RIT1: variants seen among roughly 807,000 people sequenced by gnomAD.
The protein encoded by RIT1 is GTP-binding protein Rit1.
A neutral mutation model predicts 25.6 loss-of-function variants in RIT1; 6 were observed. That is an observed-to-expected ratio of 0.23 (90% CI 0.13 to 0.46). RIT1 has a LOEUF of 0.46. Among genes scored for constraint, RIT1 ranks in the 20% least tolerant of loss-of-function variants. RIT1 has a pLI of 0.99. For synonymous variants in RIT1, 81 were observed against 94.1 expected (o/e 0.86, Z 0.80); for missense variants, 219 against 284.4 (o/e 0.77, Z 1.65).
At position 155,904,379 on chromosome 1, in the gene RIT1, C is replaced by T; in HGVS notation, c.361G>A (p.Val121Ile). Residue 121 changes from valine to isoleucine, a missense_variant, in exon 5 of 6, where the codon GTC (valine) becomes ATC (isoleucine). By Grantham distance (29) the Val-to-Ile change is conservative. Transcript: ENST00000368323. ...ACAGGTGTATCGTCAGTACGTCGGA[C>T]TCGATAAATAAGCTGTTTAAACTCA... ...VREFKQLIYRVRRTDDTPVVL... is the reference protein window; with the variant it reads ...VREFKQLIYRIRRTDDTPVVL... 1 of 1,614,086 alleles carries T rather than the reference C, an allele frequency of 6.2e-7. No homozygotes were observed. The highest frequency in any genetic ancestry group is 8.5e-7 in the Non-Finnish European group (1 of 1,179,954).
intron 5 of RIT1, among the ~76,000 whole-genome samples, chr1:155,901,502 G>A (rs1368152339): frequency 1.3e-5 from 2 of 151,998 alleles, no homozygotes; most frequent in Non-Finnish European, 2.9e-5. Flanking sequence ...GCTGGGCATG[G>A]TGTTGGGCAC....
At chr1:155,903,248 A>C (rs962906532) in intron 5 of RIT1, among the ~76,000 whole-genome samples, 5 of 151,678 alleles carry the variant, frequency 3.3e-5, no homozygotes, top group African/African-American at 9.7e-5. Flanking sequence ...GTGAGCAGAG[A>C]TCGTGCCACT....
chr1:155,905,796 A>G (rs1311336598), intron 3 of RIT1, among the ~76,000 whole-genome samples: 1 of 152,058 alleles, frequency 6.6e-6, no homozygotes, highest in Non-Finnish European at 1.5e-5. Flanking sequence ...TTCCTCCTCA[A>G]TACTACAAAA....
chr1:155,907,240 C>CT (rs773275927), intron 3 of RIT1, among the ~76,000 whole-genome samples: 3,764 of 138,978 alleles, frequency 0.027, 79 homozygotes, highest in Non-Finnish European at 0.04. Flanking sequence ...CATTCATATG[C>CT]TTTTTTTTTT....
chr1:155,902,530 C>CT (rs1673332819), intron 5 of RIT1, among the ~76,000 whole-genome samples: 2 of 148,712 alleles, frequency 1.3e-5, no homozygotes, highest in Admixed American at 6.8e-5. Flanking sequence ...GAGTGAAACT[C>CT]TGTCTAAAAA....
chr1:155,908,712 A>C (rs913331255), intron 3 of RIT1, among the ~76,000 whole-genome samples: 3 of 150,648 alleles, frequency 2.0e-5, no homozygotes, highest in Admixed American at 1.3e-4. Flanking sequence ...ACAGGCACCC[A>C]GCACCACGCC....
At chr1:155,909,327 G>A (rs931695844) in intron 3 of RIT1, among the ~76,000 whole-genome samples, 4 of 151,542 alleles carry the variant, frequency 2.6e-5, no homozygotes, top group South Asian at 2.1e-4. Context: ...GTAGTGAGCC[G>A]AGATTGTGCC....
intron 5 of RIT1, among the ~76,000 whole-genome samples, chr1:155,903,019 CG>C (rs1371450919): frequency 7.2e-6 from 1 of 139,332 alleles, no homozygotes; most frequent in Non-Finnish European, 1.6e-5. Flanking sequence ...AAAATTAGGC[CG>C]GGCGCGGTGG....
chr1:155,908,042 A>G (rs1415258889), intron 3 of RIT1, among the ~76,000 whole-genome samples: 1 of 151,620 alleles, frequency 6.6e-6, no homozygotes, highest in South Asian at 2.1e-4. Context: ...CAGTGAGCCG[A>G]GATCATGCCA....
chr1:155,910,902 C>T (rs1156851871), intron 1 of RIT1, 98 bp from the exon 2 acceptor site: 3 of 1,560,230 alleles, frequency 1.9e-6, no homozygotes, highest in East Asian at 4.8e-5. Context: ...TCTGGCCTGT[C>T]CCTCTTACTC....
rs372092063 is a variant in RIT1, at chr1:155,910,438, G to T, written c.163+12C>A. ...GGGTATATTTGGAAACATAAGTGAT[G>T]ATCTGGCTTACCAATGGTGGGATCA... On this transcript the variant is annotated intron_variant, in intron 3 of 5. Transcript: ENST00000368323. 132 of 1,607,184 alleles carry T rather than the reference G, an allele frequency of 8.2e-5. No individual in the cohort carries two copies. The highest frequency in any genetic ancestry group is 1.1e-4 in the Non-Finnish European group (131 of 1,173,882).
Position 155,910,208 on chromosome 1 carries a change from C to T in RIT1, c.163+242G>A, listed in dbSNP as rs536238745. 1.2e-5 allele frequency: 6 copies of T among 501,326 alleles called. No individual in the cohort carries two copies. The East Asian group carries it at 1.7e-4, about 15-fold the overall frequency. The allele number at this position is 501,326 out of a possible 1,614,324, so 31.1% of individuals were successfully genotyped here. ...GCCTGTATACAACCATAAAAAAATA[C>T]AACAAAGAGAGTTGTCCCATTAATG... On this transcript the variant is annotated intron_variant, in intron 3 of 5. Transcript: ENST00000368323.
intron 5 of RIT1, among the ~76,000 whole-genome samples, chr1:155,901,094 C>T (rs1427457755): frequency 1.3e-5 from 2 of 152,192 alleles, no homozygotes; most frequent in African/African-American, 2.4e-5. Flanking sequence ...GGATTACAGG[C>T]GTCGGCCACT....
At chr1:155,908,408 C>T (rs567960713) in intron 3 of RIT1, among the ~76,000 whole-genome samples, 2 of 148,530 alleles carry the variant, frequency 1.3e-5, no homozygotes, top group East Asian at 2.1e-4. Context: ...TGAGCCAAGA[C>T]GGCGCCACTG....
At position 155,910,740 on chromosome 1, in the gene RIT1, C is replaced by A; in HGVS notation, c.22G>T (p.Val8Phe). ...GCGGGGCTGCTACAGCAGCTACCAA[C>A]TGGGCGAGTTCCAGAATCCATTGTC... MDSGTRP[V>F]GSCCSSPAGL... is the part of the protein sequence containing the mutation. Residue 8 changes from valine (V) to phenylalanine (F), a missense_variant, in exon 2 of 6, where the codon GTT becomes TTT. Transcript: ENST00000368323. 1 of 1,614,272 alleles carries A rather than the reference C, an allele frequency of 6.2e-7. No individual in the cohort carries two copies.
intron 4 of RIT1, 47 bp from the exon 5 acceptor site, chr1:155,904,549 C>T (rs1673394067): frequency 6.6e-7 from 1 of 1,512,080 alleles, no homozygotes. Context: ...TCTAGCCCAA[C>T]TACACACACA....
At chr1:155,901,142 G>C (rs1315243557) in intron 5 of RIT1, among the ~76,000 whole-genome samples, 2 of 152,096 alleles carry the variant, frequency 1.3e-5, no homozygotes, top group African/African-American at 4.8e-5. Flanking sequence ...ATACTTTTTG[G>C]AACAGGGAAT....
chr1:155,909,159 A>C (rs1228327248), intron 3 of RIT1, among the ~76,000 whole-genome samples: 1 of 151,672 alleles, frequency 6.6e-6, no homozygotes, highest in Non-Finnish European at 1.5e-5. Context: ...GCAGATCACG[A>C]GGTCAGGAGA....
chr1:155,904,881 G>A, intron 3 of RIT1, 77 bp from the exon 4 acceptor site: 1 of 892,268 alleles, frequency 1.1e-6, no homozygotes, highest in Non-Finnish European at 1.8e-6. Context: ...ATCTTACAGA[G>A]TAGTACATTG....
Sources: gnomAD v4.1 joint callset for allele counts (sites outside exome capture counted in the v4.1 genomes callset) on GRCh38, gnomAD v4.1.1 for gene constraint, MANE v1.5 for transcripts, NCBI Gene and HGNC (gene_info 2026-07-23, HGNC 2026-07-21) for gene names.